Variants in NID1 observed in about 807,000 individuals in gnomAD.
The protein encoded by NID1 is nidogen 1.
A neutral mutation model predicts 130.6 loss-of-function variants in NID1; 76 were observed. The observed-to-expected ratio is 0.58, with a 90% confidence interval of 0.48 to 0.70. The LOEUF is 0.70. Among genes scored for constraint, NID1 ranks in the 30% least tolerant of loss-of-function variants. The pLI is 0.00. For synonymous variants in NID1, 665 were observed against 675.1 expected, an observed-to-expected ratio of 0.98 and a Z score of 0.23; for missense variants, 1,517 against 1,664.8, an observed-to-expected ratio of 0.91 and a Z score of 1.54.
intron 10 of NID1, among the ~76,000 whole-genome samples, 194 bp downstream of exon 10, chr1:236,016,954 G>A (rs924452943): frequency 1.3e-5 from 2 of 152,200 alleles, no homozygotes; most frequent in Non-Finnish European, 2.9e-5. Context: ...AGGCAATAAT[G>A]TTGCTTACTC....
intron 7 of NID1, among the ~76,000 whole-genome samples, chr1:236,027,033 T>G (rs10803235): frequency 0.44 from 66,419 of 151,970 alleles, 15,745 homozygotes; most frequent in African/African-American, 0.62. Flanking sequence ...GAGGCACTAC[T>G]TCTGGCCAAT....
chr1:236,048,628 G>T, intron 2 of NID1, 62 bp downstream of exon 2: 1 of 1,555,450 alleles, frequency 6.4e-7, no homozygotes, highest in Non-Finnish European at 8.7e-7. Flanking sequence ...CAAGGCGTGA[G>T]ACCAAAGTGT....
intron 7 of NID1, among the ~76,000 whole-genome samples, chr1:236,026,757 G>A (rs1208924106): frequency 1.3e-5 from 1 of 76,520 alleles, no homozygotes; most frequent in African/African-American, 4.9e-5. Flanking sequence ...TTTTTTTTTT[G>A]ACACAGAGTC....
intron 12 of NID1, among the ~76,000 whole-genome samples, chr1:235,994,894 A>G (rs947672949): frequency 2.0e-5 from 3 of 152,244 alleles, no homozygotes; most frequent in South Asian, 2.1e-4. Flanking sequence ...ACGGGGTTTC[A>G]CCATGTTGGC....
At chr1:235,986,049 C>G (rs1198168831) in intron 14 of NID1, among the ~76,000 whole-genome samples, 3 of 152,210 alleles carry the variant, frequency 2.0e-5, no homozygotes, top group Admixed American at 6.5e-5. Flanking sequence ...GCACCAGCCA[C>G]TGCACCCACC....
chr1:236,023,364 C>T (rs555463847), intron 9 of NID1, among the ~76,000 whole-genome samples: 1 of 152,266 alleles, frequency 6.6e-6, no homozygotes, highest in African/African-American at 2.4e-5. Flanking sequence ...AAGCCAATCA[C>T]AGAAGAACAA....
At chr1:235,981,816 T>G (rs1461579605) in intron 15 of NID1, 34 bp from the exon 16 acceptor site, 23 of 1,564,234 alleles carry the variant, frequency 1.5e-5, no homozygotes, top group Admixed American at 9.7e-5. Context: ...CTAATTTTTT[T>G]TGTTTTCTAA....
intron 1 of NID1, among the ~76,000 whole-genome samples, chr1:236,053,021 G>A (rs938262146): frequency 1.2e-4 from 19 of 152,260 alleles, no homozygotes; most frequent in African/African-American, 4.6e-4. Flanking sequence ...TCGGCAAGCT[G>A]CCGGATTTGT....
intron 15 of NID1, among the ~76,000 whole-genome samples, chr1:235,983,423 G>A (rs758182167): frequency 5.9e-5 from 9 of 152,134 alleles, no homozygotes; most frequent in East Asian, 1.9e-4. Flanking sequence ...AGATGAACAG[G>A]GACAGTGAGA....
At chr1:235,993,590 G>T in intron 13 of NID1, 55 bp downstream of exon 13, 2 of 1,419,032 alleles carry the variant, frequency 1.4e-6, no homozygotes, top group Non-Finnish European at 9.5e-7. Context: ...CAGCAATTCC[G>T]GTCCCCCGAG....
chr1:236,019,456 G>A (rs1256853938), intron 9 of NID1, among the ~76,000 whole-genome samples: 1 of 152,178 alleles, frequency 6.6e-6, no homozygotes, highest in East Asian at 1.9e-4. Flanking sequence ...TTCAAGCTCT[G>A]TTCCTCCCTG....
At position 235,995,631 on chromosome 1, in the gene NID1, C is replaced by T. The variant is rs79751779; in HGVS notation, c.2528-1759G>A. 5.2e-4 allele frequency among the ~76,000 whole-genome samples: 79 copies of T among 152,328 alleles called. 1 individual carries two copies. In the East Asian group the frequency reaches 0.013, roughly 26 times the overall value. ...TGCCTCTCCCTCCCAGGCCTTTCCA[C>T]GTGCTATTCTTTTTGTGACTGTCCT... On this transcript the variant is annotated intron_variant, in intron 12 of 19. Coordinates refer to ENST00000264187, the MANE Select transcript of NID1 (RefSeq NM_002508.3).
intron 7 of NID1, 126 bp from the exon 8 acceptor site, chr1:236,026,267 T>A: frequency 8.3e-7 from 1 of 1,207,922 alleles, no homozygotes; most frequent in Non-Finnish European, 1.2e-6. Flanking sequence ...GGCTACCAGA[T>A]GACAGACCAG....
intron 1 of NID1, among the ~76,000 whole-genome samples, chr1:236,061,259 T>A (rs1003695589): frequency 2.6e-5 from 4 of 152,168 alleles, no homozygotes; most frequent in African/African-American, 9.7e-5. Context: ...AAATAGATGA[T>A]AAGGCCAAAA....
At chr1:235,993,910 C>A in intron 12 of NID1, 38 bp from the exon 13 acceptor site, 1 of 1,575,074 alleles carries the variant, frequency 6.3e-7, no homozygotes, top group Non-Finnish European at 8.7e-7. Context: ...CTGTCAGGTG[C>A]GTCATCCGTC....
intron 1 of NID1, among the ~76,000 whole-genome samples, chr1:236,061,442 G>A (rs72765471): frequency 0.028 from 4,205 of 152,100 alleles, 140 homozygotes; most frequent in African/African-American, 0.084. Flanking sequence ...ATACAGCTTC[G>A]TTTATGAAGG....
chr1:236,028,812 C>T (rs948569243), intron 7 of NID1, among the ~76,000 whole-genome samples: 2 of 151,950 alleles, frequency 1.3e-5, no homozygotes, highest in African/African-American at 4.8e-5. Context: ...GGGCTTTGTT[C>T]AGTTTTCACG....
At position 236,024,077 on chromosome 1, in the gene NID1, G is replaced by C. The variant is rs762567261; in HGVS notation, c.2121C>G (p.Thr707=). Residue 707 remains threonine (T), a synonymous_variant, in exon 9 of 20, where the codon ACC becomes ACG. Coordinates refer to ENST00000264187, the MANE Select transcript of NID1 (RefSeq NM_002508.3). ...CAGAATCAAAGGCTGTACCATAGCAGGTTCGCCCGTCTCCTCGGAAGCCGA... is the reference window on the plus strand; with the variant it reads ...CAGAATCAAAGGCTGTACCATAGCACGTTCGCCCGTCTCCTCGGAAGCCGA... ...CSIGFRGDGR[T]CYDIDECSEQ... The C allele has an allele frequency of 6.2e-7, 1 of 1,613,896 alleles. No individual in the cohort carries two copies. Among genetic ancestry groups the C allele is most frequent in the Non-Finnish European group, 8.5e-7 (1 of 1,180,054 alleles).
chr1:235,991,200 A>T (rs1377534854), intron 13 of NID1, 142 bp from the exon 14 acceptor site: 3 of 631,846 alleles, frequency 4.7e-6, no homozygotes, highest in Non-Finnish European at 7.7e-6. Flanking sequence ...TCATGGCACC[A>T]CAAACTGCCA....
Sources: allele counts gnomAD v4.1 joint callset (sites outside exome capture counted in the v4.1 genomes callset), GRCh38; gene constraint gnomAD v4.1.1; transcripts MANE v1.5; gene names NCBI Gene and HGNC (gene_info 2026-07-23, HGNC 2026-07-21).